ZBTB10: variants seen among roughly 807,000 people sequenced by gnomAD.
ZBTB10 encodes zinc finger and BTB domain-containing protein 10.
In ZBTB10, 32 loss-of-function variants were observed where a neutral mutation model predicts 76.4. That is an observed-to-expected ratio of 0.42 (90% confidence interval 0.32 to 0.56). ZBTB10 has a LOEUF of 0.56. Among genes scored for constraint, ZBTB10 ranks in the 20% least tolerant of loss-of-function variants. The probability of loss-of-function intolerance (pLI) is 0.14; values close to 1 mark genes in which losing one functional copy is unlikely to be tolerated. For missense variants in ZBTB10, 1,057 were observed against 1,098.5 expected (o/e 0.96, Z 0.53); for synonymous variants, 523 against 432.9 (o/e 1.21, Z -2.58).
Position 80,500,006 on chromosome 8 carries a change from T to A in ZBTB10, c.1485T>A (p.Asp495Glu). The A allele has an allele frequency of 6.2e-7, 1 of 1,613,952 alleles. No individual in the cohort carries two copies. The highest frequency in any genetic ancestry group is 8.5e-7 in the Non-Finnish European group (1 of 1,179,876). ...GAGATGGTCTGTCTTCATCACGGGA[T>A]CAAAAAATTGCCAGTTTTTGGGCAA... is the stretch of plus-strand genomic sequence containing the variant. ...VNRDGLSSSR[D>E]QKIASFWATR... Residue 495 changes from aspartate to glutamate, a missense_variant, in exon 2 of 6, where the codon GAT (aspartate) becomes GAA (glutamate). Asp to Glu is a conservative substitution (Grantham distance 45, BLOSUM62 2). Around this residue, in one of 5 missense-constraint regions of ZBTB10, gnomAD observed 306 missense variants for 297.5 expected, o/e 1.03. Transcript: ENST00000455036.
Position 80,524,809 on chromosome 8 carries a change from G to A in ZBTB10, c.*5281G>A, listed in dbSNP as rs1816518796. 1 of 152,082 alleles carries A rather than the reference G, an allele frequency of 6.6e-6. No individual in the cohort carries two copies. Among genetic ancestry groups the A allele is most frequent in the Admixed American group, 6.6e-5 (1 of 15,250 alleles). 9.4% of individuals were successfully genotyped at this position (152,082 alleles called of 1,614,324 possible). Reference sequence around the variant, plus strand: ...AATCGGTTTTTAATTATCCAAAGATGAAATGGGGCTGCTTCAGAAAAAGGT... The same window carrying A: ...AATCGGTTTTTAATTATCCAAAGATAAAATGGGGCTGCTTCAGAAAAAGGT... On this transcript the variant is annotated 3_prime_UTR_variant, in exon 6 of 6. Transcript: ENST00000455036.
At position 80,508,013 on chromosome 8, in the gene ZBTB10, T is replaced by C. The variant is rs557795891; in HGVS notation, c.1862-5897T>C. Reference sequence around the variant, plus strand: ...TGGTAGTAGGCAACCATATGGTAGGTGAAATAGTAGTCTGCCACTGTTTCC... The same window carrying C: ...TGGTAGTAGGCAACCATATGGTAGGCGAAATAGTAGTCTGCCACTGTTTCC... On this transcript the variant is annotated intron_variant, in intron 2 of 5. Coordinates refer to ENST00000455036, the MANE Select transcript of ZBTB10 (RefSeq NM_001105539.3). 9.2e-5 allele frequency among the ~76,000 whole-genome samples: 14 copies of C among 152,326 alleles called. No individual in the cohort carries two copies. In the East Asian group the frequency reaches 2.7e-3, roughly 29 times the overall value.
At chr8:80,495,135 C>CT (rs368299745) in intron 1 of ZBTB10, among the ~76,000 whole-genome samples, 30,832 of 140,366 alleles carry the variant, frequency 0.22, 3,988 homozygotes, top group Admixed American at 0.31. Flanking sequence ...CTCTCTCTCT[C>CT]TTTTTTTTTT....
intron 1 of ZBTB10, among the ~76,000 whole-genome samples, chr8:80,494,445 T>C (rs768331967): frequency 6.6e-6 from 1 of 152,208 alleles, no homozygotes. Context: ...TGGCGTTGTT[T>C]AGGCCCCAAG....
rs397891910 is a variant in ZBTB10, at chr8:80,497,683, C to CTT, written c.973-1789_973-1788dup. ...AAACAGTTGAAGTGTGTCCTGGAAT[C>CTT]TTTTTTTTTTTTTTTTTTTTTTTGA... is the stretch of plus-strand genomic sequence containing the variant. On this transcript the variant is annotated intron_variant, in intron 1 of 5. Coordinates refer to ENST00000455036, the MANE Select transcript of ZBTB10 (RefSeq NM_001105539.3). Among the ~76,000 whole-genome samples, 545 of 87,518 alleles carry CTT rather than the reference C, an allele frequency of 6.2e-3. 2 individuals carry two copies. Among genetic ancestry groups the CTT allele is most frequent in the Non-Finnish European group, 7.4e-3 (350 of 47,432 alleles). The allele number at this position is 87,518 out of a possible 152,430, so 57.4% of individuals were successfully genotyped here.
At chr8:80,493,230 CA>C in intron 1 of ZBTB10, among the ~76,000 whole-genome samples, 1 of 151,376 alleles carries the variant, frequency 6.6e-6, no homozygotes, top group Non-Finnish European at 1.5e-5. Flanking sequence ...CACACACACA[CA>C]CACACACACA....
In ZBTB10 at chr8:80,522,128, TA is replaced by T. The variant is rs1056222489; in HGVS notation, c.*2607del. Reference sequence around the variant, plus strand: ...ACTGCCTTTTCCCATCTAGATCTTTTAAAAAAATAGTTTTAGTACTAAGGTA... The same window carrying T: ...ACTGCCTTTTCCCATCTAGATCTTTTAAAAAATAGTTTTAGTACTAAGGTA... On this transcript the variant is annotated 3_prime_UTR_variant, in exon 6 of 6. Transcript: ENST00000455036. The T allele has an allele frequency of 7.2e-5, 11 of 151,858 alleles. No individual in the cohort carries two copies. In the South Asian group the frequency reaches 1.0e-3, roughly 14 times the overall value. The allele number at this position is 151,858 out of a possible 1,614,324, so 9.4% of individuals were successfully genotyped here.
In ZBTB10 at chr8:80,499,757, T is replaced by C. The variant is rs770775315; in HGVS notation, c.1236T>C (p.Ala412=). ...ACAATACTACCCACTTAGATATTGC[T>C]GCAGTTCAAGGTTTTTCAGTCATCT... is the stretch of plus-strand genomic sequence containing the variant. ...NQNNTTHLDI[A]AVQGFSVILD... The change falls in exon 2 of 6, where the codon GCT becomes GCC. Residue 412 remains alanine, a synonymous_variant. Coordinates refer to ENST00000455036, the MANE Select transcript of ZBTB10 (RefSeq NM_001105539.3). The C allele has an allele frequency of 4.8e-5, 78 of 1,613,890 alleles. No homozygotes were observed. The highest frequency in any genetic ancestry group is 6.4e-5 in the Non-Finnish European group (76 of 1,179,888).
chr8:80,487,419 C>T lies in ZBTB10; in HGVS notation c.609C>T (p.Ser203=). The change falls in exon 1 of 6, where the codon AGC becomes AGT. Residue 203 remains serine, a synonymous_variant. Coordinates refer to ENST00000455036, the MANE Select transcript of ZBTB10 (RefSeq NM_001105539.3). ...LGDGSGAEGG[S]CSSSRRSGGD... is the part of the protein sequence containing the mutation. The stretch of plus-strand genomic sequence containing the variant: ...ACGGCAGCGGGGCGGAAGGCGGCAG[C>T]TGCAGCAGCAGCAGGCGGTCGGGCG... 1 of 1,542,126 alleles carries T rather than the reference C, an allele frequency of 6.5e-7. No homozygotes were observed. The highest frequency in any genetic ancestry group is 8.8e-7 in the Non-Finnish European group (1 of 1,141,292).
At chr8:80,513,840 G>A in intron 2 of ZBTB10, 70 bp from the exon 3 acceptor site, 7 of 1,212,854 alleles carry the variant, frequency 5.8e-6, no homozygotes, top group Non-Finnish European at 8.4e-6. Context: ...ACAGTTCCAA[G>A]AAAGAGTGGT....
intron 1 of ZBTB10, 128 bp downstream of exon 1, chr8:80,487,910 G>C (rs482951): frequency 0.036 from 40,362 of 1,115,586 alleles, 861 homozygotes; most frequent in South Asian, 0.056. Context: ...CATCGTTCCA[G>C]TTGAGAGGTG....
chr8:80,504,540 C>T (rs10504723), intron 2 of ZBTB10, among the ~76,000 whole-genome samples: 13,127 of 152,068 alleles, frequency 0.086, 1,156 homozygotes, highest in African/African-American at 0.22. Context: ...TGTTGTTTGA[C>T]TCACTACAGA....
intron 2 of ZBTB10, among the ~76,000 whole-genome samples, chr8:80,506,689 A>G (rs1585853343): frequency 6.6e-6 from 1 of 151,796 alleles, no homozygotes; most frequent in Non-Finnish European, 1.5e-5. Context: ...TCATGTTTTC[A>G]TTATAGGGTG....
intron 2 of ZBTB10, among the ~76,000 whole-genome samples, chr8:80,513,123 A>G (rs1298041661): frequency 2.6e-5 from 4 of 151,662 alleles, no homozygotes; most frequent in South Asian, 2.1e-4. Flanking sequence ...TTTGCCATCT[A>G]TATTCTGTAT....
intron 2 of ZBTB10, among the ~76,000 whole-genome samples, chr8:80,507,484 G>A (rs1172084104): frequency 6.6e-6 from 1 of 151,884 alleles, no homozygotes; most frequent in Non-Finnish European, 1.5e-5. Context: ...GCATGGTGGC[G>A]GGCACATGTA....
intron 2 of ZBTB10, among the ~76,000 whole-genome samples, chr8:80,510,639 A>AGTGTGGGGGGT (rs60169757): frequency 8.0e-6 from 1 of 125,688 alleles, no homozygotes; most frequent in African/African-American, 3.1e-5. Flanking sequence ...TTGTGAAACC[A>AGTGTGGGGGGT]GTGTGTGTGT....
chr8:80,493,820 G>A (rs898222682), intron 1 of ZBTB10, among the ~76,000 whole-genome samples: 2 of 152,062 alleles, frequency 1.3e-5, no homozygotes, highest in African/African-American at 2.4e-5. Context: ...GCGAAACTTC[G>A]TCTCAAAAAT....
chr8:80,515,533 T>C (rs1816304881), intron 3 of ZBTB10, among the ~76,000 whole-genome samples: 1 of 152,222 alleles, frequency 6.6e-6, no homozygotes, highest in African/African-American at 2.4e-5. Flanking sequence ...ATTTTTTTGC[T>C]CGTACAGAAA....
At chr8:80,507,592 G>T (rs751963575) in intron 2 of ZBTB10, among the ~76,000 whole-genome samples, 1 of 151,680 alleles carries the variant, frequency 6.6e-6, no homozygotes, top group Non-Finnish European at 1.5e-5. Flanking sequence ...CCAGCCTGGG[G>T]CACAGAGCCA....
Sources: allele counts gnomAD v4.1 joint callset (sites outside exome capture counted in the v4.1 genomes callset), GRCh38; gene constraint gnomAD v4.1.1; regional missense constraint gnomAD v4.1.1; transcripts MANE v1.5; gene names NCBI Gene and HGNC (gene_info 2026-07-23, HGNC 2026-07-21).